ST6GAL1: variants seen among roughly 807,000 people sequenced by gnomAD.
The protein encoded by ST6GAL1 is beta-galactoside alpha-2,6-sialyltransferase 1.
Under a neutral mutation model 38.0 loss-of-function variants are expected in ST6GAL1, and 20 were observed. The ratio of observed to expected loss-of-function variants is 0.53; its 90% CI spans 0.37 to 0.77. The LOEUF (loss-of-function observed/expected upper bound fraction) is 0.77, where lower values mean the gene tolerates loss of function less well. Among genes scored for constraint, ST6GAL1 ranks in the 30% least tolerant of loss-of-function variants. ST6GAL1 has a pLI of 0.00. For synonymous variants in ST6GAL1, 196 were observed against 188.2 expected (o/e 1.04, Z -0.34); for missense variants, 432 against 496.4 (o/e 0.87, Z 1.23).
intron 2 of ST6GAL1, among the ~76,000 whole-genome samples, chr3:186,985,731 C>T (rs1158253502): frequency 5.4e-5 from 8 of 149,196 alleles, no homozygotes; most frequent in East Asian, 2.0e-4. Context: ...GCCGAGATTG[C>T]GCCACTGCGC....
rs199607461 is a variant in ST6GAL1 at position 187,003,332 on chromosome 3, CT to C, written c.-182-35409del. Among the ~76,000 whole-genome samples, 864 of 152,346 alleles carry C rather than the reference CT, an allele frequency of 5.7e-3. 11 individuals carry two copies. The highest frequency in any genetic ancestry group is 0.023 in the Admixed American group (355 of 15,306). ...CCACCGTTAGAGAGGGGGCAATCTGCTGTACTCAGCCTGCTGATTCCAGTGC... is the reference window on the plus strand; with the variant it reads ...CCACCGTTAGAGAGGGGGCAATCTGCGTACTCAGCCTGCTGATTCCAGTGC... On this transcript the variant is annotated intron_variant, in intron 2 of 7. Transcript: ENST00000169298.
intron 5 of ST6GAL1, among the ~76,000 whole-genome samples, chr3:187,066,832 C>T (rs1719161706): frequency 6.6e-6 from 1 of 152,058 alleles, no homozygotes; most frequent in South Asian, 2.1e-4. Context: ...AAGAGGATCT[C>T]CAAACCCAGG....
chr3:187,066,601 C>CGTGTGCGTGT (rs1553836654), intron 5 of ST6GAL1, among the ~76,000 whole-genome samples: 1 of 148,730 alleles, frequency 6.7e-6, no homozygotes, highest in Non-Finnish European at 1.5e-5. Context: ...TGCGTGCGTG[C>CGTGTGCGTGT]GTGTGTGTGT....
intron 1 of ST6GAL1, among the ~76,000 whole-genome samples, chr3:186,958,874 A>G (rs1455372967): frequency 6.6e-6 from 1 of 151,540 alleles, no homozygotes; most frequent in African/African-American, 2.4e-5. Context: ...AATCGCTTGA[A>G]CGTGGGAGGC....
At chr3:187,040,370 C>T (rs1718086145) in intron 3 of ST6GAL1, among the ~76,000 whole-genome samples, 1 of 152,182 alleles carries the variant, frequency 6.6e-6, no homozygotes, top group South Asian at 2.1e-4. Context: ...GACCTTGAGT[C>T]CGACTTGATC....
intron 2 of ST6GAL1, among the ~76,000 whole-genome samples, chr3:186,991,476 A>G (rs566424600): frequency 6.6e-6 from 1 of 152,218 alleles, no homozygotes; most frequent in Admixed American, 6.5e-5. Flanking sequence ...TTGGCTCCTG[A>G]TACTAAATGA....
chr3:186,995,516 T>A (rs4290796), intron 2 of ST6GAL1, among the ~76,000 whole-genome samples: 3,554 of 12,352 alleles, frequency 0.29, 195 homozygotes, highest in East Asian at 0.39. Context: ...AAAAAAAAAA[T>A]AATAATAAAA....
chr3:186,972,529 C>T (rs969882107), intron 2 of ST6GAL1, among the ~76,000 whole-genome samples: 4 of 152,010 alleles, frequency 2.6e-5, no homozygotes, highest in East Asian at 1.9e-4. Context: ...GGATTACAGG[C>T]GTGAGCCACC....
rs905099697 is a variant in ST6GAL1 at position 187,042,806 on chromosome 3, T to A, written c.103T>A (p.Tyr35Asn). The A allele has an allele frequency of 7.4e-6, 12 of 1,614,236 alleles. No individual in the cohort carries two copies. The highest frequency in any genetic ancestry group is 1.0e-5 in the Non-Finnish European group (12 of 1,180,040). ...VWKEKKKGSY[Y>N]DSFKLQTKEF... ...GAAGGAAAAGAAGAAAGGGAGTTACTATGATTCCTTTAAATTGCAAACCAA... is the reference window on the plus strand; with the variant it reads ...GAAGGAAAAGAAGAAAGGGAGTTACAATGATTCCTTTAAATTGCAAACCAA... Residue 35 changes from tyrosine (Y) to asparagine (N), a missense_variant, in exon 4 of 8, where the codon TAT becomes AAT. Transcript: ENST00000169298.
At chr3:186,932,056 G>A (rs909965238) in intron 1 of ST6GAL1, among the ~76,000 whole-genome samples, 13 of 152,260 alleles carry the variant, frequency 8.5e-5, no homozygotes, top group Admixed American at 7.2e-4. Flanking sequence ...AGCAGGAATG[G>A]AGGCGCCGCC....
At chr3:186,992,809 A>G (rs1716222639) in intron 2 of ST6GAL1, among the ~76,000 whole-genome samples, 1 of 152,098 alleles carries the variant, frequency 6.6e-6, no homozygotes, top group African/African-American at 2.4e-5. Flanking sequence ...AACAACAACA[A>G]CAAATATTTG....
intron 2 of ST6GAL1, chr3:186,975,054 G>T (rs1326571047): frequency 6.6e-6 from 1 of 152,516 alleles, no homozygotes; most frequent in Non-Finnish European, 1.5e-5. Flanking sequence ...GAAAAGAGGA[G>T]CGTGGGTCTG....
chr3:187,072,873 C>G lies in ST6GAL1; in HGVS notation c.730C>G (p.Leu244Val). The part of the protein sequence containing the change: ...SQLVTTEKRF[L>V]KDSLYNEGIL... The stretch of plus-strand genomic sequence containing the variant: ...GTTGGTTACCACAGAGAAGCGCTTC[C>G]TCAAAGACAGTTTGTACAATGAAGG... Residue 244 changes from leucine (L) to valine (V), a missense_variant, in exon 6 of 8, where the codon CTC becomes GTC. By Grantham distance (32) the Leu-to-Val change is conservative. Coordinates refer to ENST00000169298, the MANE Select transcript of ST6GAL1 (RefSeq NM_173216.2). The G allele has an allele frequency of 6.2e-7, 1 of 1,613,932 alleles. No homozygotes were observed. Among genetic ancestry groups the G allele is most frequent in the South Asian group, 1.1e-5 (1 of 91,072 alleles).
intron 2 of ST6GAL1, among the ~76,000 whole-genome samples, chr3:186,994,979 A>AGGGT (rs1345190673): frequency 6.6e-6 from 1 of 152,014 alleles, no homozygotes; most frequent in Non-Finnish European, 1.5e-5. Context: ...AAAAATAAAA[A>AGGGT]CTACAAGATA....
At position 187,065,824 on chromosome 3, in the gene ST6GAL1, C is replaced by G. The variant is rs148974889; in HGVS notation, c.706-7025C>G. Reference sequence around the variant, plus strand: ...TTGTTAAATATATTATATATACCATCTAAGGGTCTTACATGCCTTCTCTCA... The same window carrying G: ...TTGTTAAATATATTATATATACCATGTAAGGGTCTTACATGCCTTCTCTCA... On this transcript the variant is annotated intron_variant, in intron 5 of 7. Coordinates refer to ENST00000169298, the MANE Select transcript of ST6GAL1 (RefSeq NM_173216.2). Among the ~76,000 whole-genome samples the G allele has an allele frequency of 2.7e-4, 41 of 152,312 alleles. 1 individual carries two copies. The East Asian group carries it at 3.9e-3, about 14-fold the overall frequency.
At chr3:186,970,670 T>C (rs367578343) in intron 2 of ST6GAL1, among the ~76,000 whole-genome samples, 89 of 152,172 alleles carry the variant, frequency 5.8e-4, no homozygotes, top group Admixed American at 7.2e-4. Context: ...CCTTTTGAGG[T>C]TGGCTTTTTT....
At chr3:187,016,340 G>C (rs866666468) in intron 2 of ST6GAL1, among the ~76,000 whole-genome samples, 26 of 152,148 alleles carry the variant, frequency 1.7e-4, no homozygotes, top group African/African-American at 6.3e-4. Context: ...TTATTTTTCT[G>C]ACTGGAAAAA....
chr3:187,077,356 T>C lies in ST6GAL1; in HGVS notation c.*1553T>C, dbSNP rs1404874846. On this transcript the variant is annotated 3_prime_UTR_variant, in exon 8 of 8. Coordinates refer to ENST00000169298, the MANE Select transcript of ST6GAL1 (RefSeq NM_173216.2). ...AAAAGACTTGCACAGGATCACCAAGTCATGCTGTAGAGCCAGGATTCCTAG... is the reference window on the plus strand; with the variant it reads ...AAAAGACTTGCACAGGATCACCAAGCCATGCTGTAGAGCCAGGATTCCTAG... 1.2e-5 allele frequency: 2 copies of C among 170,082 alleles called. No homozygotes were observed. The highest frequency in any genetic ancestry group is 2.0e-4 in the South Asian group (1 of 4,994). 10.5% of individuals were successfully genotyped at this position (170,082 alleles called of 1,614,324 possible).
At chr3:186,955,637 G>T (rs1714721939) in intron 1 of ST6GAL1, among the ~76,000 whole-genome samples, 1 of 151,996 alleles carries the variant, frequency 6.6e-6, no homozygotes, top group Non-Finnish European at 1.5e-5. Flanking sequence ...TGAGTAGTTG[G>T]GACTACAGGT....
Sources: gnomAD v4.1 joint callset for allele counts (sites outside exome capture counted in the v4.1 genomes callset) on GRCh38, gnomAD v4.1.1 for gene constraint, MANE v1.5 for transcripts, NCBI Gene and HGNC (gene_info 2026-07-23, HGNC 2026-07-21) for gene names.